The following NRP1 variants were observed in gnomAD, a reference collection of about 807,000 sequenced individuals.
NRP1 encodes neuropilin 1, also known as neuropilin-1.
Under a neutral mutation model 106.7 loss-of-function variants are expected in NRP1, and 35 were observed. That is an observed-to-expected ratio of 0.33 (90% CI 0.25 to 0.43). The LOEUF (loss-of-function observed/expected upper bound fraction) is 0.43. Among genes scored for constraint, NRP1 ranks in the 20% least tolerant of loss-of-function variants. The probability of loss-of-function intolerance (pLI) is 1.00; values close to 1 mark genes in which losing one functional copy is unlikely to be tolerated. For missense variants in NRP1, 1,024 were observed against 1,170.4 expected (o/e 0.87, Z 1.83); for synonymous variants, 437 against 417.9 (o/e 1.05, Z -0.56).
chr10:33,199,761 G>C (rs1837130574), intron 11 of NRP1, among the ~76,000 whole-genome samples: 1 of 152,152 alleles, frequency 6.6e-6, no homozygotes, highest in Non-Finnish European at 1.5e-5. Context: ...ACCATGGAAA[G>C]TTCTGGAGGT....
At chr10:33,236,766 A>C (rs1840587946) in intron 6 of NRP1, among the ~76,000 whole-genome samples, 1 of 152,192 alleles carries the variant, frequency 6.6e-6, no homozygotes, top group African/African-American at 2.4e-5. Context: ...CTCTGCACAT[A>C]ATTCAGTAGG....
intron 5 of NRP1, 138 bp downstream of exon 5, chr10:33,256,178 C>A: frequency 1.2e-6 from 1 of 809,752 alleles, no homozygotes; most frequent in Non-Finnish European, 1.9e-6. Flanking sequence ...CATAAAAAAA[C>A]ATTTAGAAGA....
At chr10:33,297,339 G>A (rs183030946) in intron 2 of NRP1, among the ~76,000 whole-genome samples, 178 of 152,288 alleles carry the variant, frequency 1.2e-3, no homozygotes, top group Admixed American at 4.2e-3. Context: ...TAACGATTCT[G>A]GAACATTACT....
chr10:33,187,132 C>A (rs1836064095), intron 13 of NRP1, among the ~76,000 whole-genome samples: 1 of 152,030 alleles, frequency 6.6e-6, no homozygotes, highest in Non-Finnish European at 1.5e-5. Context: ...CTTGGCCTCC[C>A]AAAATGCTGG....
intron 11 of NRP1, among the ~76,000 whole-genome samples, chr10:33,198,694 AG>A (rs1836989208): frequency 6.6e-6 from 1 of 152,136 alleles, no homozygotes; most frequent in Non-Finnish European, 1.5e-5. Flanking sequence ...CCTTTAGGGA[AG>A]TTGCAAGGCT....
intron 6 of NRP1, among the ~76,000 whole-genome samples, chr10:33,244,236 T>C (rs191507781): frequency 6.6e-4 from 101 of 152,288 alleles, no homozygotes; most frequent in African/African-American, 2.3e-3. Flanking sequence ...TTTGCTCTGG[T>C]GCTTTCAAAT....
chr10:33,275,395 C>G (rs548678866), intron 2 of NRP1, among the ~76,000 whole-genome samples: 2 of 151,980 alleles, frequency 1.3e-5, no homozygotes, highest in Non-Finnish European at 2.9e-5. Context: ...GGTAAAACCC[C>G]GTCTCTACTA....
intron 2 of NRP1, among the ~76,000 whole-genome samples, chr10:33,286,283 T>C (rs1285282240): frequency 1.3e-5 from 2 of 152,182 alleles, no homozygotes; most frequent in Non-Finnish European, 2.9e-5. Context: ...CAAGTATGCA[T>C]GTAAGTATTT....
At chr10:33,300,975 A>G (rs1201299511) in intron 2 of NRP1, among the ~76,000 whole-genome samples, 2 of 152,178 alleles carry the variant, frequency 1.3e-5, no homozygotes, top group African/African-American at 4.8e-5. Flanking sequence ...TAAACTTTCT[A>G]AATTAACTGA....
chr10:33,246,426 T>A (rs1181761452), intron 6 of NRP1, among the ~76,000 whole-genome samples: 2 of 152,084 alleles, frequency 1.3e-5, no homozygotes, highest in Non-Finnish European at 2.9e-5. Context: ...CATTAATGGG[T>A]AGTATGTAAA....
rs1244672329 is a variant in NRP1, at chr10:33,186,392, T to C, written c.2159A>G (p.His720Arg). The C allele has an allele frequency of 1.9e-6, 3 of 1,614,046 alleles. No homozygotes were observed. The highest frequency in any genetic ancestry group is 2.5e-6 in the Non-Finnish European group (3 of 1,180,036). The change falls in exon 14 of 17, where the codon CAC (histidine) becomes CGC (arginine). Residue 720 changes from histidine to arginine, a missense_variant. Transcript: ENST00000374867. Reference sequence around the variant, plus strand: ...CATGTGATACCAGAAGGTCATGCAGTGGGCAGAGTTCTGGGAATAAACCAC... The same window carrying C: ...CATGTGATACCAGAAGGTCATGCAGCGGGCAGAGTTCTGGGAATAAACCAC... ...SPVVYSQNSAHCMTFWYHMSG... is the reference protein window; with the variant it reads ...SPVVYSQNSARCMTFWYHMSG...
intron 6 of NRP1, among the ~76,000 whole-genome samples, chr10:33,231,724 C>T (rs1204927882): frequency 1.3e-5 from 2 of 152,066 alleles, no homozygotes; most frequent in Admixed American, 6.5e-5. Flanking sequence ...AGGTATCATG[C>T]AGCATCAAGG....
At chr10:33,238,184 C>T (rs1170208203) in intron 6 of NRP1, among the ~76,000 whole-genome samples, 1 of 152,192 alleles carries the variant, frequency 6.6e-6, no homozygotes, top group Non-Finnish European at 1.5e-5. Flanking sequence ...CATGAGTCAG[C>T]GAGACTTCTC....
intron 2 of NRP1, among the ~76,000 whole-genome samples, chr10:33,280,566 A>G (rs1408386673): frequency 6.6e-6 from 1 of 152,220 alleles, no homozygotes; most frequent in Non-Finnish European, 1.5e-5. Flanking sequence ...GATTGTCTCT[A>G]GAAGAGTTTA....
chr10:33,302,563 G>T (rs1200638526), intron 2 of NRP1, among the ~76,000 whole-genome samples: 1 of 152,226 alleles, frequency 6.6e-6, no homozygotes, highest in Non-Finnish European at 1.5e-5. Flanking sequence ...CTATGGCAGA[G>T]GTGACAGGCA....
At chr10:33,319,294 C>G (rs1484397951) in intron 2 of NRP1, among the ~76,000 whole-genome samples, 1 of 152,026 alleles carries the variant, frequency 6.6e-6, no homozygotes, top group African/African-American at 2.4e-5. Context: ...GTGTGAGTCA[C>G]CGCGCCCAGA....
intron 13 of NRP1, 103 bp from the exon 14 acceptor site, chr10:33,186,591 C>A: frequency 7.5e-7 from 1 of 1,338,696 alleles, no homozygotes; most frequent in Non-Finnish European, 1.0e-6. Context: ...GCGCTGAGCA[C>A]CAAGAACCCA....
intron 2 of NRP1, among the ~76,000 whole-genome samples, chr10:33,316,277 A>G (rs1406069490): frequency 6.6e-6 from 1 of 152,222 alleles, no homozygotes; most frequent in African/African-American, 2.4e-5. Flanking sequence ...AGAGGCCTTT[A>G]AACTGACTAG....
chr10:33,199,981 T>C (rs1398575241), intron 11 of NRP1, among the ~76,000 whole-genome samples: 2 of 152,220 alleles, frequency 1.3e-5, no homozygotes, highest in Non-Finnish European at 2.9e-5. Context: ...CAAGTCATGG[T>C]ACCTCAGTTC....
Sources: allele counts gnomAD v4.1 joint callset (sites outside exome capture counted in the v4.1 genomes callset), GRCh38; gene constraint gnomAD v4.1.1; transcripts MANE v1.5; gene names NCBI Gene and HGNC (gene_info 2026-07-23, HGNC 2026-07-21).